Variants in MED12L observed in about 807,000 individuals in gnomAD.
MED12L encodes mediator of RNA polymerase II transcription subunit 12-like protein.
MED12L carries 60 observed loss-of-function variants against 281.3 expected under a neutral mutation model. That is an observed-to-expected ratio of 0.21 (90% confidence interval 0.17 to 0.26). MED12L has a LOEUF of 0.26. Among genes scored for constraint, MED12L ranks in the 10% least tolerant of loss-of-function variants. MED12L has a pLI of 1.00. For synonymous variants in MED12L, 974 were observed against 987.2 expected (o/e 0.99, Z 0.25); for missense variants, 2,146 against 2,680.9 (o/e 0.80, Z 4.41).
chr3:151,209,111 T>C (rs1340482371), intron 16 of MED12L, among the ~76,000 whole-genome samples: 2 of 152,220 alleles, frequency 1.3e-5, no homozygotes, highest in Non-Finnish European at 2.9e-5. Context: ...AGTAGTCTTA[T>C]AAGTTTTATC....
intron 39 of MED12L, among the ~76,000 whole-genome samples, chr3:151,399,775 TATCGATC>T (rs1715430864): frequency 6.6e-6 from 1 of 152,148 alleles, no homozygotes; most frequent in South Asian, 2.1e-4. Context: ...CCCCTCACTC[TATCGATC>T]ATCTAGGGAA....
At chr3:151,199,641 G>T (rs1431087271) in intron 16 of MED12L, among the ~76,000 whole-genome samples, 1 of 151,290 alleles carries the variant, frequency 6.6e-6, no homozygotes, top group Non-Finnish European at 1.5e-5. Context: ...TGACTTTCAG[G>T]AAATCCCATG....
chr3:151,159,444 T>G (rs1179602556), intron 7 of MED12L, among the ~76,000 whole-genome samples: 4 of 152,314 alleles, frequency 2.6e-5, no homozygotes, highest in African/African-American at 9.6e-5. Context: ...ACTAGCCAGA[T>G]GTGGCTACTG....
intron 17 of MED12L, among the ~76,000 whole-genome samples, chr3:151,353,007 A>G (rs1328700836): frequency 1.3e-5 from 2 of 152,220 alleles, no homozygotes; most frequent in Non-Finnish European, 2.9e-5. Flanking sequence ...GAGAATCACC[A>G]CTGATTTCTT....
At chr3:151,177,358 A>C (rs1431494) in intron 11 of MED12L, among the ~76,000 whole-genome samples, 11,270 of 152,306 alleles carry the variant, frequency 0.074, 956 homozygotes, top group East Asian at 0.2. Flanking sequence ...CTTTGGAATT[A>C]GGACAGCCTA....
intron 16 of MED12L, among the ~76,000 whole-genome samples, chr3:151,248,475 G>A (rs1736192334): frequency 1.3e-5 from 2 of 151,892 alleles, no homozygotes; most frequent in Non-Finnish European, 2.9e-5. Flanking sequence ...GTTCTTTATT[G>A]GACTGTCTTT....
At position 151,416,181 on chromosome 3, in the gene MED12L, AT is replaced by A. The variant is rs1221558676; in HGVS notation, c.6298-130del. The A allele has an allele frequency of 2.0e-6, 3 of 1,512,812 alleles. No individual in the cohort carries two copies. In the African/African-American group the frequency reaches 4.1e-5, roughly 21 times the overall value. The allele number at this position is 1,512,812 out of a possible 1,614,324, so 93.7% of individuals were successfully genotyped here. On this transcript the variant is annotated intron_variant, in intron 42 of 44. Transcript: ENST00000687756. ...ACGAATGAGGTTCAGCAAGGTAGAG[AT>A]GCAGCAGGCAGGTATATATTGTTTT...
At chr3:151,388,953 A>G (rs1409679053) in intron 37 of MED12L, among the ~76,000 whole-genome samples, 2 of 152,240 alleles carry the variant, frequency 1.3e-5, no homozygotes, top group East Asian at 1.9e-4. Context: ...GCACAGTGGA[A>G]GAAATATTCA....
At chr3:151,328,412 A>C (rs1749921820) in intron 16 of MED12L, 24 of 1,613,800 alleles carry the variant, frequency 1.5e-5, no homozygotes, top group Non-Finnish European at 2.0e-5. Flanking sequence ...CCAGAAAATA[A>C]ACTGGCATAT....
Position 151,122,087 on chromosome 3 carries a change from C to G in MED12L, c.205-696C>G, listed in dbSNP as rs553074110. ...CTTCTTTCCTGTTCCTTTCTTTTTTCCTTGTCCATCTTTAATTTGGTTAAT... is the reference window on the plus strand; with the variant it reads ...CTTCTTTCCTGTTCCTTTCTTTTTTGCTTGTCCATCTTTAATTTGGTTAAT... On this transcript the variant is annotated intron_variant, in intron 3 of 44. Transcript: ENST00000687756. Among the ~76,000 whole-genome samples the G allele has an allele frequency of 6.6e-5, 10 of 152,008 alleles. No individual in the cohort carries two copies. In the East Asian group the frequency reaches 1.9e-3, roughly 29 times the overall value.
chr3:151,115,749 C>T (rs759584711), intron 2 of MED12L, among the ~76,000 whole-genome samples: 3 of 151,598 alleles, frequency 2.0e-5, no homozygotes, highest in Non-Finnish European at 2.9e-5. Flanking sequence ...TCTAAACTTA[C>T]AGGAAAGTTA....
At chr3:151,269,170 G>A (rs1348410158) in intron 16 of MED12L, among the ~76,000 whole-genome samples, 1 of 152,188 alleles carries the variant, frequency 6.6e-6, no homozygotes, top group Non-Finnish European at 1.5e-5. Flanking sequence ...GGAGGCCAAG[G>A]TGGGTGGATC....
chr3:151,131,233 C>T (rs956519601), intron 5 of MED12L, among the ~76,000 whole-genome samples: 1 of 152,016 alleles, frequency 6.6e-6, no homozygotes, highest in African/African-American at 2.4e-5. Context: ...AATCTGACTT[C>T]GACTGCTACA....
rs144980547 is a variant in MED12L at position 151,389,267 on chromosome 3, C to CT, written c.5452-711dup. ...TGAAAAAGCCCTGAAACCAATCCTG[C>CT]TCCCCAGGTCAGTCTGGTCATGTCC... On this transcript the variant is annotated intron_variant, in intron 37 of 44. Coordinates refer to ENST00000687756, the MANE Select transcript of MED12L (RefSeq NM_001393769.1). 9.6e-3 allele frequency among the ~76,000 whole-genome samples: 1,466 copies of CT among 152,304 alleles called. 28 individuals carry two copies. Among genetic ancestry groups the CT allele is most frequent in the African/African-American group, 0.033 (1,378 of 41,564 alleles).
chr3:151,287,890 A>G (rs548186207), intron 16 of MED12L, among the ~76,000 whole-genome samples: 85 of 152,232 alleles, frequency 5.6e-4, no homozygotes, highest in Non-Finnish European at 1.0e-3. Flanking sequence ...GAAGCTTTTT[A>G]ATAAACTTTA....
At chr3:151,190,459 A>G (rs894550871) in intron 13 of MED12L, among the ~76,000 whole-genome samples, 1 of 152,174 alleles carries the variant, frequency 6.6e-6, no homozygotes, top group African/African-American at 2.4e-5. Context: ...GGTGTGAGCC[A>G]CTGCACCCAG....
intron 16 of MED12L, among the ~76,000 whole-genome samples, chr3:151,342,776 C>T (rs1752034189): frequency 6.6e-6 from 1 of 152,148 alleles, no homozygotes; most frequent in East Asian, 1.9e-4. Flanking sequence ...CAAATCTTAG[C>T]CTTCCTTATT....
intron 43 of MED12L, among the ~76,000 whole-genome samples, chr3:151,417,486 C>CTTTTT (rs1287791429): frequency 1.8e-4 from 10 of 56,156 alleles, no homozygotes; most frequent in African/African-American, 3.5e-4. Flanking sequence ...TCCCCCCCCG[C>CTTTTT]CTTTTTTTTT....
chr3:151,326,967 G>C (rs1749677393), intron 16 of MED12L: 1 of 152,290 alleles, frequency 6.6e-6, no homozygotes, highest in African/African-American at 2.4e-5. Flanking sequence ...TACTGATTGT[G>C]GGTCAGCAAT....
Sources: allele counts gnomAD v4.1 joint callset (sites outside exome capture counted in the v4.1 genomes callset), GRCh38; gene constraint gnomAD v4.1.1; transcripts MANE v1.5; gene names NCBI Gene and HGNC (gene_info 2026-07-23, HGNC 2026-07-21).